The following MAP2K4 variants were observed in gnomAD, a reference collection of about 807,000 sequenced individuals.
The protein encoded by MAP2K4 is dual specificity mitogen-activated protein kinase kinase 4.
A neutral mutation model predicts 48.5 loss-of-function variants in MAP2K4; 4 were observed. That is an observed-to-expected ratio of 0.08 (90% CI 0.04 to 0.19). The LOEUF is 0.19. Ranked by LOEUF, MAP2K4 falls within the 10% of genes least tolerant of loss-of-function variation. The pLI, the probability that MAP2K4 is intolerant of heterozygous loss-of-function variation, is 1.00. For synonymous variants in MAP2K4, 166 were observed against 173.1 expected (o/e 0.96, Z 0.32); for missense variants, 258 against 493.3 (o/e 0.52, Z 4.52).
At chr17:12,060,954 G>A (rs34310066) in intron 2 of MAP2K4, among the ~76,000 whole-genome samples, 25,573 of 151,916 alleles carry the variant, frequency 0.17, 2,531 homozygotes, top group South Asian at 0.3. Flanking sequence ...TTCTGTACCC[G>A]TTAAGCAATA....
chr17:12,123,148 A>G lies in MAP2K4; in HGVS notation c.814-2146A>G, dbSNP rs956649954. On this transcript the variant is annotated intron_variant, in intron 7 of 10. Coordinates refer to ENST00000353533, the MANE Select transcript of MAP2K4 (RefSeq NM_003010.4). ...CATGAAATGAGTTGGGAAGCGTACC[A>G]TCTCTCACTTTTTTGAAAAAAAAAT... Among the ~76,000 whole-genome samples, 9 of 152,148 alleles carry G rather than the reference A, an allele frequency of 5.9e-5. 1 individual carries two copies. Among genetic ancestry groups the G allele is most frequent in the Admixed American group, 6.5e-5 (1 of 15,268 alleles).
At chr17:12,029,691 A>C (rs886993382) in intron 1 of MAP2K4, among the ~76,000 whole-genome samples, 1 of 152,044 alleles carries the variant, frequency 6.6e-6, no homozygotes, top group African/African-American at 2.4e-5. Flanking sequence ...ATAATCCCAT[A>C]ACTTTGGGAG....
rs116758556 is a variant in MAP2K4, at chr17:12,093,166, C to A, written c.394-2409C>A. Among the ~76,000 whole-genome samples, 1,148 of 152,292 alleles carry A rather than the reference C, an allele frequency of 7.5e-3. 12 individuals carry two copies. The highest frequency in any genetic ancestry group is 0.025 in the African/African-American group (1,029 of 41,554). ...GTGTTGATCTCTTGAAAAGCACAAT[C>A]AATTTCATGTTAGACTAGTAGGCCA... On this transcript the variant is annotated intron_variant, in intron 3 of 10. Transcript: ENST00000353533.
At chr17:12,121,372 C>T (rs1203363302) in intron 7 of MAP2K4, among the ~76,000 whole-genome samples, 1 of 152,044 alleles carries the variant, frequency 6.6e-6, no homozygotes, top group Non-Finnish European at 1.5e-5. Flanking sequence ...TCTGTATTAT[C>T]TAATACATAG....
chr17:12,081,293 C>T lies in MAP2K4; in HGVS notation c.219-63C>T. On this transcript the variant is annotated intron_variant, in intron 2 of 10. Coordinates refer to ENST00000353533, the MANE Select transcript of MAP2K4 (RefSeq NM_003010.4). The surrounding 1 kb of genome is among the most constrained non-coding windows in gnomAD (Gnocchi z 4.2). ...CATTTTTCCCACACATTAATCAGTA[C>T]TAAAAGAAAAAAGTTAAAACCTATT... 1 of 1,368,006 alleles carries T rather than the reference C, an allele frequency of 7.3e-7. No homozygotes were observed. Among genetic ancestry groups the T allele is most frequent in the Admixed American group, 2.1e-5 (1 of 47,114 alleles). 84.7% of individuals were successfully genotyped at this position (1,368,006 alleles called of 1,614,324 possible).
chr17:12,121,662 T>C (rs892802376), intron 7 of MAP2K4, among the ~76,000 whole-genome samples: 27 of 152,192 alleles, frequency 1.8e-4, no homozygotes, highest in African/African-American at 6.5e-4. Flanking sequence ...CTTTTTGTTT[T>C]CTGTGACATT....
chr17:12,118,527 T>G (rs1972575138), intron 7 of MAP2K4, among the ~76,000 whole-genome samples: 5 of 152,172 alleles, frequency 3.3e-5, no homozygotes, highest in Admixed American at 2.6e-4. Flanking sequence ...GAAGCTGGAC[T>G]GAAAGAAGAG....
chr17:12,096,064 G>C (rs1473034202), intron 4 of MAP2K4, among the ~76,000 whole-genome samples: 1 of 8,314 alleles, frequency 1.2e-4, no homozygotes, highest in African/African-American at 6.2e-4. Flanking sequence ...CTTGAGCAAC[G>C]CCTCCCCCCC....
intron 1 of MAP2K4, among the ~76,000 whole-genome samples, chr17:12,033,289 A>G (rs1969495692): frequency 6.6e-6 from 1 of 152,230 alleles, no homozygotes; most frequent in South Asian, 2.1e-4. Context: ...GAACTGGAGA[A>G]GAATGATGCT....
intron 9 of MAP2K4, among the ~76,000 whole-genome samples, chr17:12,133,334 A>G (rs1973095118): frequency 6.6e-6 from 1 of 152,188 alleles, no homozygotes; most frequent in Non-Finnish European, 1.5e-5. Context: ...CGCCCGCTTC[A>G]GCCTCCCAGA....
chr17:12,088,194 C>T (rs1163042270), intron 3 of MAP2K4, among the ~76,000 whole-genome samples: 1 of 151,936 alleles, frequency 6.6e-6, no homozygotes, highest in African/African-American at 2.4e-5. Context: ...GATCCTTGCT[C>T]TCCTATCCTC....
chr17:12,120,538 C>CG (rs369830780), intron 7 of MAP2K4, among the ~76,000 whole-genome samples: 2 of 138,212 alleles, frequency 1.4e-5, no homozygotes, highest in East Asian at 4.8e-4. Context: ...CCTCATTCCC[C>CG]CCCCCATAAA....
chr17:12,022,316 T>C (rs1401745013), intron 1 of MAP2K4, among the ~76,000 whole-genome samples: 1 of 152,206 alleles, frequency 6.6e-6, no homozygotes, highest in Admixed American at 6.5e-5. Flanking sequence ...TGTCAGAGCT[T>C]AGAGGACACT....
intron 2 of MAP2K4, among the ~76,000 whole-genome samples, chr17:12,077,042 GT>G (rs1463445806): frequency 6.6e-6 from 1 of 152,198 alleles, no homozygotes; most frequent in Admixed American, 6.5e-5. Flanking sequence ...TTACTGAATT[GT>G]TTTTAACCAG....
chr17:12,060,655 C>T (rs764896504), intron 2 of MAP2K4, among the ~76,000 whole-genome samples: 11 of 151,748 alleles, frequency 7.2e-5, no homozygotes, highest in Non-Finnish European at 1.0e-4. Context: ...TACAAAATAG[C>T]GGTAATGGTA....
intron 3 of MAP2K4, among the ~76,000 whole-genome samples, chr17:12,090,443 G>A (rs1567654755): frequency 1.3e-5 from 2 of 152,154 alleles, no homozygotes; most frequent in Non-Finnish European, 2.9e-5. Context: ...ATCAGAATCA[G>A]CCAGGTATTT....
chr17:12,085,240 A>G (rs1971322306), intron 3 of MAP2K4, among the ~76,000 whole-genome samples: 1 of 152,170 alleles, frequency 6.6e-6, no homozygotes, highest in African/African-American at 2.4e-5. Flanking sequence ...CCTGTCACTA[A>G]AGATGATGGC....
intron 1 of MAP2K4, among the ~76,000 whole-genome samples, chr17:12,029,830 A>G (rs967091001): frequency 2.0e-5 from 3 of 151,756 alleles, no homozygotes; most frequent in Non-Finnish European, 4.4e-5. Flanking sequence ...AGATGAGAGG[A>G]TTGCTTGAGC....
chr17:12,118,984 T>C (rs1218552350), intron 7 of MAP2K4, among the ~76,000 whole-genome samples: 1 of 152,220 alleles, frequency 6.6e-6, no homozygotes, highest in African/African-American at 2.4e-5. Context: ...TTAGAGTCTG[T>C]CAGTAAACGG....
Sources: gnomAD v4.1 joint callset for allele counts (sites outside exome capture counted in the v4.1 genomes callset) on GRCh38, gnomAD v4.1.1 for gene constraint, Gnocchi (gnomAD v3.1) non-coding constraint, MANE v1.5 for transcripts, NCBI Gene and HGNC (gene_info 2026-07-23, HGNC 2026-07-21) for gene names.